The following KLHL24 variants were observed in gnomAD, a reference collection of about 807,000 sequenced individuals.
KLHL24 encodes the protein kelch like family member 24.
KLHL24 carries 29 observed loss-of-function variants against 53.4 expected under a neutral mutation model. The observed-to-expected ratio is 0.54, with a 90% CI of 0.40 to 0.74. The LOEUF is 0.74. Among genes scored for constraint, KLHL24 ranks in the 30% least tolerant of loss-of-function variants. KLHL24 has a pLI of 0.00. For synonymous variants in KLHL24, 222 were observed against 253.7 expected (o/e 0.88, Z 1.19); for missense variants, 504 against 744.0 (o/e 0.68, Z 3.75).
chr3:183,638,108 C>T (rs1490926484), intron 1 of KLHL24, among the ~76,000 whole-genome samples: 1 of 152,224 alleles, frequency 6.6e-6, no homozygotes, highest in Admixed American at 6.5e-5. Flanking sequence ...AGAACCGCCT[C>T]ATCACTTGTG....
intron 1 of KLHL24, among the ~76,000 whole-genome samples, chr3:183,640,030 ATAAAT>A (rs751907419): frequency 7.2e-5 from 11 of 152,236 alleles, no homozygotes; most frequent in Non-Finnish European, 1.6e-4. Flanking sequence ...ATCTCAATAA[ATAAAT>A]AACCAAAACC....
chr3:183,679,272 T>G lies in KLHL24; in HGVS notation c.1789T>G (p.Cys597Gly). Residue 597 changes from cysteine (C) to glycine (G), a missense_variant, in exon 8 of 8, where the codon TGC becomes GGC. Transcript: ENST00000242810. ...CVTIHRYNEKCFKL is the reference protein window; with the variant it reads ...CVTIHRYNEKGFKL ...GACTATTCATAGATACAATGAGAAA[T>G]GCTTTAAACTCTGAAGACAGGATAC... is the stretch of plus-strand genomic sequence containing the variant. The G allele has an allele frequency of 2.5e-6, 4 of 1,613,662 alleles. No homozygotes were observed. The highest frequency in any genetic ancestry group is 3.4e-6 in the Non-Finnish European group (4 of 1,179,686).
At chr3:183,668,250 G>A (rs1424730909) in intron 5 of KLHL24, among the ~76,000 whole-genome samples, 1 of 151,992 alleles carries the variant, frequency 6.6e-6, no homozygotes, top group Non-Finnish European at 1.5e-5. Flanking sequence ...AAATAATCCA[G>A]GGGTTGGAAG....
At chr3:183,639,101 T>G (rs927917937) in intron 1 of KLHL24, among the ~76,000 whole-genome samples, 31 of 151,924 alleles carry the variant, frequency 2.0e-4, no homozygotes, top group African/African-American at 7.5e-4. Flanking sequence ...CTTAGGAGGC[T>G]GAGGCAGGAG....
intron 2 of KLHL24, among the ~76,000 whole-genome samples, chr3:183,649,347 A>G (rs1410697634): frequency 6.6e-6 from 1 of 152,158 alleles, no homozygotes; most frequent in Non-Finnish European, 1.5e-5. Flanking sequence ...ATAGTCATAT[A>G]TAATTTTTAA....
At chr3:183,675,538 G>T (rs1711689487) in intron 7 of KLHL24, among the ~76,000 whole-genome samples, 1 of 152,088 alleles carries the variant, frequency 6.6e-6, no homozygotes, top group African/African-American at 2.4e-5. Context: ...ATCCTCATGT[G>T]GTCAAGTATT....
At chr3:183,649,767 G>A (rs1717871996) in intron 2 of KLHL24, among the ~76,000 whole-genome samples, 1 of 151,878 alleles carries the variant, frequency 6.6e-6, no homozygotes, top group Non-Finnish European at 1.5e-5. Context: ...ATGGTGGTAC[G>A]CACACATAGT....
chr3:183,648,522 G>T (rs1275428178), intron 2 of KLHL24, among the ~76,000 whole-genome samples: 1 of 152,106 alleles, frequency 6.6e-6, no homozygotes, highest in Non-Finnish European at 1.5e-5. Flanking sequence ...TCTTAGGCCT[G>T]AATGTCTGAC....
Position 183,663,370 on chromosome 3 carries a change from TGTTTTTAGA to T in KLHL24, c.921-82_921-74del. 1.5e-6 allele frequency: 1 copy of T among 650,114 alleles called. No homozygotes were observed. Among genetic ancestry groups the T allele is most frequent in the South Asian group, 5.2e-5 (1 of 19,130 alleles). 40.3% of individuals were successfully genotyped at this position (650,114 alleles called of 1,614,324 possible). On this transcript the variant is annotated intron_variant, in intron 3 of 7. Transcript: ENST00000242810. This position sits in a 1 kb window ranked among gnomAD's most constrained non-coding sequence, Gnocchi z 4.9. The stretch of plus-strand genomic sequence containing the variant: ...TAACTGTTTATAATAGTGCGTGGTT[TGTTTTTAGA>T]GTTTTAAGAAAAAATCTGGAGTATA...
intron 1 of KLHL24, among the ~76,000 whole-genome samples, chr3:183,642,160 G>A (rs1716543854): frequency 6.6e-6 from 1 of 152,130 alleles, no homozygotes; most frequent in Non-Finnish European, 1.5e-5. Context: ...ACATAAACTA[G>A]GTTCTTTATA....
intron 7 of KLHL24, among the ~76,000 whole-genome samples, chr3:183,673,386 G>A (rs1721624654): frequency 8.3e-6 from 1 of 120,254 alleles, no homozygotes; most frequent in African/African-American, 5.1e-5. Flanking sequence ...CACTTGGGCT[G>A]TTCTTTTTTT....
At chr3:183,641,062 G>C (rs914979797) in intron 1 of KLHL24, among the ~76,000 whole-genome samples, 2 of 152,086 alleles carry the variant, frequency 1.3e-5, no homozygotes, top group African/African-American at 4.8e-5. Context: ...AATTTTGATA[G>C]TGCAAGTTTA....
In KLHL24 at chr3:183,680,220, G is replaced by C. The variant is rs1560193178; in HGVS notation, c.*934G>C. 6.6e-6 allele frequency: 1 copy of C among 152,288 alleles called. No individual in the cohort carries two copies. The highest frequency in any genetic ancestry group is 2.4e-5 in the African/African-American group (1 of 41,450). 9.4% of individuals were successfully genotyped at this position (152,288 alleles called of 1,614,324 possible). The stretch of plus-strand genomic sequence containing the variant: ...GGGCAGGAGGATTGCTTGAGCCCAG[G>C]AGTCTGAGGCTACAGTGAGCTATGA... On this transcript the variant is annotated 3_prime_UTR_variant, in exon 8 of 8. Coordinates refer to ENST00000242810, the MANE Select transcript of KLHL24 (RefSeq NM_017644.3).
intron 3 of KLHL24, among the ~76,000 whole-genome samples, chr3:183,652,639 ATTTTGACTATCATT>A (rs1718282272): frequency 6.6e-6 from 1 of 152,292 alleles, no homozygotes; most frequent in African/African-American, 2.4e-5. Flanking sequence ...TTTTACTTAA[ATTTTGACTATCATT>A]GTTTCGGAAT....
intron 7 of KLHL24, among the ~76,000 whole-genome samples, chr3:183,678,871 A>G (rs1712354554): frequency 6.6e-6 from 1 of 152,144 alleles, no homozygotes; most frequent in African/African-American, 2.4e-5. Context: ...TGTGGCTGCT[A>G]CTGACATAGC....
intron 2 of KLHL24, among the ~76,000 whole-genome samples, chr3:183,646,080 G>T (rs2108779340): frequency 6.6e-6 from 1 of 150,978 alleles, no homozygotes; most frequent in South Asian, 2.1e-4. Flanking sequence ...TAGAAATGAG[G>T]GTGGCCAGGT....
intron 2 of KLHL24, among the ~76,000 whole-genome samples, chr3:183,648,205 G>A (rs530305618): frequency 1.3e-5 from 2 of 152,262 alleles, no homozygotes; most frequent in African/African-American, 4.8e-5. Flanking sequence ...AATATTGGAA[G>A]TAGGATATCT....
intron 7 of KLHL24, among the ~76,000 whole-genome samples, chr3:183,676,659 A>G (rs1383606341): frequency 2.0e-5 from 3 of 152,304 alleles, no homozygotes; most frequent in East Asian, 1.9e-4. Context: ...CTGACTTTGC[A>G]TAATTCCTAA....
chr3:183,679,089 A>G lies in KLHL24; in HGVS notation c.1606A>G (p.Asn536Asp). The G allele has an allele frequency of 6.2e-7, 1 of 1,612,352 alleles. No individual in the cohort carries two copies. Among genetic ancestry groups the G allele is most frequent in the East Asian group, 2.2e-5 (1 of 44,880 alleles). ...HVQNTFSRQE[N>D]CGMSVCNGKI... ...GTTTATATATTTGGTTAAACAGGAAAACTGTGGTATGTCTGTGTGTAATGG... is the reference window on the plus strand; with the variant it reads ...GTTTATATATTTGGTTAAACAGGAAGACTGTGGTATGTCTGTGTGTAATGG... Residue 536 changes from asparagine to aspartate, a missense_variant, in exon 8 of 8, where the codon AAC becomes GAC. Asn to Asp is a conservative substitution (Grantham distance 23). Transcript: ENST00000242810.
Sources: allele counts gnomAD v4.1 joint callset (sites outside exome capture counted in the v4.1 genomes callset), GRCh38; gene constraint gnomAD v4.1.1; non-coding constraint Gnocchi (gnomAD v3.1); transcripts MANE v1.5; gene names NCBI Gene and HGNC (gene_info 2026-07-23, HGNC 2026-07-21).